LTBP2: variants seen among roughly 807,000 people sequenced by gnomAD.
LTBP2 encodes latent transforming growth factor beta binding protein 2, also known as latent-transforming growth factor beta-binding protein 2.
LTBP2 carries 103 observed loss-of-function variants against 210.6 expected under a neutral mutation model. That is an observed-to-expected ratio of 0.49 (90% confidence interval 0.42 to 0.58). The LOEUF is 0.58. Ranked by LOEUF, LTBP2 falls within the 20% of genes least tolerant of loss-of-function variation. LTBP2 has a pLI of 0.00. For synonymous variants in LTBP2, 1,007 were observed against 1,015.0 expected, an observed-to-expected ratio of 0.99 and a Z score of 0.15; for missense variants, 2,313 against 2,494.5, an observed-to-expected ratio of 0.93 and a Z score of 1.55.
intron 8 of LTBP2, 109 bp from the exon 9 acceptor site, chr14:74,536,109 G>C (rs971078949): frequency 8.7e-6 from 8 of 919,872 alleles, no homozygotes; most frequent in Admixed American, 1.9e-5. Flanking sequence ...CGGCAGCAGT[G>C]AGCCCCAGCC....
At chr14:74,525,409 C>T (rs947637721) in intron 14 of LTBP2, among the ~76,000 whole-genome samples, 184 bp from the exon 15 acceptor site, 14 of 152,200 alleles carry the variant, frequency 9.2e-5, no homozygotes, top group African/African-American at 1.7e-4. Flanking sequence ...CTCTAACAGG[C>T]GTTGGAGCAC....
intron 28 of LTBP2, among the ~76,000 whole-genome samples, chr14:74,505,821 G>A (rs902084318): frequency 3.9e-5 from 6 of 152,170 alleles, no homozygotes; most frequent in African/African-American, 1.4e-4. Flanking sequence ...AGGGTTTCCT[G>A]AGCCTCCTCT....
At chr14:74,553,507 C>A (rs1330673622) in intron 4 of LTBP2, among the ~76,000 whole-genome samples, 1 of 152,066 alleles carries the variant, frequency 6.6e-6, no homozygotes, top group Non-Finnish European at 1.5e-5. Flanking sequence ...CCCCAGCTTG[C>A]CAGAGAGGAG....
intron 8 of LTBP2, among the ~76,000 whole-genome samples, chr14:74,545,682 T>A (rs1391193369): frequency 6.6e-6 from 1 of 152,234 alleles, no homozygotes; most frequent in Non-Finnish European, 1.5e-5. Context: ...CTTTCTCAGA[T>A]GAAAACTCAA....
At chr14:74,504,140 T>C (rs2086952473) in intron 30 of LTBP2, 86 bp from the exon 31 acceptor site, 1 of 1,551,212 alleles carries the variant, frequency 6.4e-7, no homozygotes, top group African/African-American at 1.4e-5. Flanking sequence ...CAGGCTGGGT[T>C]TGAATCCCAG....
intron 9 of LTBP2, among the ~76,000 whole-genome samples, chr14:74,533,657 C>A (rs1044840790): frequency 7.9e-5 from 12 of 152,194 alleles, no homozygotes; most frequent in African/African-American, 2.9e-4. Flanking sequence ...CTCCTGAACG[C>A]CCTTCCTTGT....
intron 9 of LTBP2, among the ~76,000 whole-genome samples, chr14:74,534,167 G>A (rs564535125): frequency 6.6e-6 from 1 of 152,320 alleles, no homozygotes; most frequent in South Asian, 2.1e-4. Flanking sequence ...TGTGGCCACA[G>A]TGGGATGTGG....
chr14:74,569,137 A>G (rs2087940042), intron 3 of LTBP2, among the ~76,000 whole-genome samples: 1 of 136,934 alleles, frequency 7.3e-6, no homozygotes, highest in African/African-American at 2.6e-5. Flanking sequence ...AGTGCCTGGA[A>G]TGAAGATAGA....
intron 10 of LTBP2, among the ~76,000 whole-genome samples, chr14:74,531,644 C>T (rs965280926): frequency 2.0e-5 from 3 of 152,242 alleles, no homozygotes; most frequent in Admixed American, 6.5e-5. Flanking sequence ...AGAAAGTTTG[C>T]AGACTGAGGG....
chr14:74,580,769 G>A (rs2088125492), intron 3 of LTBP2, among the ~76,000 whole-genome samples: 1 of 152,146 alleles, frequency 6.6e-6, no homozygotes, highest in African/African-American at 2.4e-5. Context: ...AGACCAGCCT[G>A]GGCAACATGG....
At chr14:74,533,162 A>G (rs2087374262) in intron 9 of LTBP2, among the ~76,000 whole-genome samples, 1 of 152,252 alleles carries the variant, frequency 6.6e-6, no homozygotes, top group South Asian at 2.1e-4. Flanking sequence ...GCTAGTGTTT[A>G]TTGAGCACCT....
In LTBP2 at chr14:74,501,917, T is replaced by C. The variant is rs2139685513; in HGVS notation, c.5171-327A>G. On this transcript the variant is annotated intron_variant, in intron 34 of 35. Coordinates refer to ENST00000261978, the MANE Select transcript of LTBP2 (RefSeq NM_000428.3). Reference sequence around the variant, plus strand: ...GTGTGTTGCTACATAGTTTTTGGGTTTGGGCGTGGGGAAGGGGTGAGGTGT... The same window carrying C: ...GTGTGTTGCTACATAGTTTTTGGGTCTGGGCGTGGGGAAGGGGTGAGGTGT... 4 of 425,396 alleles carry C rather than the reference T, an allele frequency of 9.4e-6. No homozygotes were observed. The South Asian group carries it at 9.7e-5, about 10-fold the overall frequency. 26.4% of individuals were successfully genotyped at this position (425,396 alleles called of 1,614,324 possible).
chr14:74,532,580 G>GCCC (rs747273135), intron 9 of LTBP2, 32 bp from the exon 10 acceptor site: 1 of 1,612,026 alleles, frequency 6.2e-7, no homozygotes, highest in South Asian at 1.1e-5. Context: ...CCAAGTGCCC[G>GCCC]CCCCACGGAG....
chr14:74,569,827 C>T (rs1050552751), intron 3 of LTBP2, among the ~76,000 whole-genome samples: 5 of 152,052 alleles, frequency 3.3e-5, no homozygotes, highest in African/African-American at 7.2e-5. Context: ...GAGAAATTTG[C>T]GGCATGAAGG....
At chr14:74,564,311 A>T (rs1347266487) in intron 3 of LTBP2, among the ~76,000 whole-genome samples, 1 of 48,872 alleles carries the variant, frequency 2.0e-5, no homozygotes, top group East Asian at 6.4e-4. Flanking sequence ...ATATATTTAT[A>T]TATATATTTA....
rs1337443694 is a variant in LTBP2 at position 74,499,481 on chromosome 14, CA to C, written c.*1402del. On this transcript the variant is annotated 3_prime_UTR_variant, in exon 36 of 36. Coordinates refer to ENST00000261978, the MANE Select transcript of LTBP2 (RefSeq NM_000428.3). ...ATGTGATGGCTAACAATCAGAGGAG[CA>C]GGTAGGACAGGGCAGATTAAATTAA... 8.8e-6 allele frequency: 2 copies of C among 228,324 alleles called. No homozygotes were observed. Among genetic ancestry groups the C allele is most frequent in the Non-Finnish European group, 1.7e-5 (2 of 115,052 alleles). The allele number at this position is 228,324 out of a possible 1,614,324, so 14.1% of individuals were successfully genotyped here.
chr14:74,555,712 C>G lies in LTBP2; in HGVS notation c.831-19G>C. The G allele has an allele frequency of 6.7e-7, 1 of 1,492,778 alleles. No homozygotes were observed. The highest frequency in any genetic ancestry group is 2.2e-5 in the Admixed American group (1 of 45,518). 92.5% of individuals were successfully genotyped at this position (1,492,778 alleles called of 1,614,324 possible). A position where few individuals can be genotyped will look rare whatever the true frequency, so the allele number is the denominator to read the frequency against. On this transcript the variant is annotated intron_variant, in intron 3 of 35. Coordinates refer to ENST00000261978, the MANE Select transcript of LTBP2 (RefSeq NM_000428.3). ...CAGGGTCCTGTGGAGACAACCGCGG[C>G]ACGGGGGTTTGCACCCTGGGAACAG...
chr14:74,583,825 C>A (rs544105179), intron 3 of LTBP2, among the ~76,000 whole-genome samples: 12 of 152,330 alleles, frequency 7.9e-5, no homozygotes, highest in Non-Finnish European at 1.6e-4. Context: ...TGTGAGCTCC[C>A]GGGTAGCTCC....
At chr14:74,549,750 A>G in intron 8 of LTBP2, 113 bp downstream of exon 8, 1 of 887,666 alleles carries the variant, frequency 1.1e-6, no homozygotes, top group Non-Finnish European at 1.9e-6. Flanking sequence ...GCAGTTTACC[A>G]GCCTGTTCTA....
Sources: allele counts gnomAD v4.1 joint callset (sites outside exome capture counted in the v4.1 genomes callset), GRCh38; gene constraint gnomAD v4.1.1; transcripts MANE v1.5; gene names NCBI Gene and HGNC (gene_info 2026-07-23, HGNC 2026-07-21).